Variants in HECA observed in about 807,000 individuals in gnomAD.
HECA encodes the protein HECA ribonucleoprotein granule regulator.
Under a neutral mutation model 37.6 loss-of-function variants are expected in HECA, and 13 were observed. The ratio of observed to expected loss-of-function variants is 0.35; its 90% CI spans 0.23 to 0.55. The LOEUF (loss-of-function observed/expected upper bound fraction) is 0.55, where lower values mean the gene tolerates loss of function less well. Ranked by LOEUF, HECA falls within the 20% of genes least tolerant of loss-of-function variation. The pLI is 0.90. For synonymous variants in HECA, 307 were observed against 291.5 expected (o/e 1.05, Z -0.54); for missense variants, 527 against 701.9 (o/e 0.75, Z 2.82).
intron 1 of HECA, among the ~76,000 whole-genome samples, chr6:139,151,794 GACAC>G: frequency 6.6e-6 from 1 of 152,164 alleles, no homozygotes; most frequent in African/African-American, 2.4e-5. Flanking sequence ...TTTTGAATAA[GACAC>G]TATTCTCAAT....
chr6:139,155,116 A>G (rs977325576), intron 1 of HECA, among the ~76,000 whole-genome samples: 2 of 152,224 alleles, frequency 1.3e-5, no homozygotes, highest in Admixed American at 6.5e-5. Flanking sequence ...ATAGCCTACT[A>G]CATACGTAGG....
At chr6:139,163,352 C>CTTTTTTT (rs60943037) in intron 1 of HECA, among the ~76,000 whole-genome samples, 1 of 142,408 alleles carries the variant, frequency 7.0e-6, no homozygotes. Context: ...GTTCTCCATT[C>CTTTTTTT]TTTTTTTTTT....
At chr6:139,135,707 C>A in intron 1 of HECA, 40 bp downstream of exon 1, 3 of 941,692 alleles carry the variant, frequency 3.2e-6, no homozygotes, top group Non-Finnish European at 3.8e-6. Context: ...ACTTCCTCCC[C>A]GACGGGGACG....
rs529732745 is a variant in HECA, at chr6:139,174,011, A to G, written c.1313-374A>G. ...GATCAGTGGTGTTGGTTAAGTCTCT[A>G]TATGCTAAACATAAACTTTTGAGCA... is the stretch of plus-strand genomic sequence containing the variant. On this transcript the variant is annotated intron_variant, in intron 2 of 3. Coordinates refer to ENST00000367658, the MANE Select transcript of HECA (RefSeq NM_016217.3). Among the ~76,000 whole-genome samples, 5 of 152,312 alleles carry G rather than the reference A, an allele frequency of 3.3e-5. No homozygotes were observed. In the South Asian group the frequency reaches 1.0e-3, roughly 32 times the overall value.
chr6:139,150,675 A>C (rs2114447344), intron 1 of HECA, among the ~76,000 whole-genome samples: 1 of 152,050 alleles, frequency 6.6e-6, no homozygotes, highest in South Asian at 2.1e-4. Context: ...TTTTTTTGGT[A>C]ACTCTTTTCA....
intron 1 of HECA, chr6:139,159,368 T>A (rs563391694): frequency 1.3e-5 from 2 of 152,338 alleles, no homozygotes; most frequent in African/African-American, 4.8e-5. Flanking sequence ...TAAAACAGTT[T>A]TGAAACCTTA....
At chr6:139,174,236 T>A (rs1775020063) in intron 2 of HECA, 149 bp from the exon 3 acceptor site, 1 of 815,428 alleles carries the variant, frequency 1.2e-6, no homozygotes. Context: ...AAAGGACAGC[T>A]TGTGTACTAA....
At chr6:139,168,496 A>G (rs989872571) in intron 2 of HECA, among the ~76,000 whole-genome samples, 1 of 149,816 alleles carries the variant, frequency 6.7e-6, no homozygotes, top group Non-Finnish European at 1.5e-5. Context: ...TTTCAAAGAC[A>G]TTTCCACATA....
At position 139,166,753 on chromosome 6, in the gene HECA, G is replaced by C; in HGVS notation, c.741G>C (p.Arg247=). 1 of 1,613,622 alleles carries C rather than the reference G, an allele frequency of 6.2e-7. No individual in the cohort carries two copies. The highest frequency in any genetic ancestry group is 1.1e-5 in the South Asian group (1 of 91,008). Residue 247 remains arginine, a synonymous_variant, in exon 2 of 4, where the codon CGG becomes CGC. Coordinates refer to ENST00000367658, the MANE Select transcript of HECA (RefSeq NM_016217.3). ...TCCCCCGCCGGCATTCCATGGACCG[G>C]CAGAACTCCCAGGAGAAGGCAGTGG... ...HDLPRRHSMD[R]QNSQEKAVGA...
At chr6:139,153,501 C>T (rs993862679) in intron 1 of HECA, among the ~76,000 whole-genome samples, 5 of 151,668 alleles carry the variant, frequency 3.3e-5, no homozygotes, top group Admixed American at 2.0e-4. Context: ...CGGCTCACTG[C>T]GGTCTCCGCC....
In HECA at chr6:139,166,952, G is replaced by A; in HGVS notation, c.940G>A (p.Gly314Ser). The A allele has an allele frequency of 6.2e-7, 1 of 1,614,156 alleles. No homozygotes were observed. Among genetic ancestry groups the A allele is most frequent in the South Asian group, 1.1e-5 (1 of 91,086 alleles). The change falls in exon 2 of 4, where the codon GGC becomes AGC. Residue 314 changes from glycine to serine, a missense_variant. By Grantham distance (56) the Gly-to-Ser change is moderately conservative. Coordinates refer to ENST00000367658, the MANE Select transcript of HECA (RefSeq NM_016217.3). ...GCCTCACAAGAAGGCCATGGCTGGGGGCCATGTGTTCAGAAATGCCCACTT... is the reference window on the plus strand; with the variant it reads ...GCCTCACAAGAAGGCCATGGCTGGGAGCCATGTGTTCAGAAATGCCCACTT... Reference protein sequence around the residue: ...LEPHKKAMAGGHVFRNAHFDY... With the variant: ...LEPHKKAMAGSHVFRNAHFDY...
At chr6:139,164,332 T>A (rs7748603) in intron 1 of HECA, among the ~76,000 whole-genome samples, 1 of 151,640 alleles carries the variant, frequency 6.6e-6, no homozygotes, top group Non-Finnish European at 1.5e-5. Flanking sequence ...GAGTAGTATT[T>A]CCCTCCAAAG....
intron 2 of HECA, among the ~76,000 whole-genome samples, chr6:139,171,373 A>C (rs905985868): frequency 1.3e-5 from 2 of 152,222 alleles, no homozygotes; most frequent in Admixed American, 6.5e-5. Context: ...GACATACATA[A>C]ATAGATAATG....
At chr6:139,152,548 C>T (rs1774664293) in intron 1 of HECA, among the ~76,000 whole-genome samples, 1 of 151,938 alleles carries the variant, frequency 6.6e-6, no homozygotes, top group Non-Finnish European at 1.5e-5. Flanking sequence ...ATGTAATTGC[C>T]TTGTGCTCAA....
intron 2 of HECA, chr6:139,169,530 T>C (rs1433252232): frequency 6.6e-6 from 1 of 152,256 alleles, no homozygotes; most frequent in Non-Finnish European, 1.5e-5. Flanking sequence ...GAATTGTACC[T>C]AACTCCCTTT....
rs987360055 is a variant in HECA, at chr6:139,173,118, G to A, written c.1313-1267G>A. Among the ~76,000 whole-genome samples, 8 of 152,178 alleles carry A rather than the reference G, an allele frequency of 5.3e-5. 1 individual carries two copies. The highest frequency in any genetic ancestry group is 1.2e-4 in the Non-Finnish European group (8 of 68,032). On this transcript the variant is annotated intron_variant, in intron 2 of 3. Transcript: ENST00000367658. ...TTGAACGGACTTCCTAACATGCCCC[G>A]AGGCCAGAGTAGATGTGGCATGTGA... is the stretch of plus-strand genomic sequence containing the variant.
At chr6:139,151,128 C>A (rs1390922018) in intron 1 of HECA, 2 of 152,146 alleles carry the variant, frequency 1.3e-5, no homozygotes, top group Non-Finnish European at 2.9e-5. Context: ...TGCAGTGTGG[C>A]CCCAGGCAAA....
chr6:139,152,131 C>T (rs1315903672), intron 1 of HECA, among the ~76,000 whole-genome samples: 3 of 152,126 alleles, frequency 2.0e-5, no homozygotes, highest in East Asian at 1.9e-4. Context: ...ATTCTGGGTC[C>T]GTATTCTTTT....
Position 139,151,289 on chromosome 6 carries a change from AAG to A in HECA, c.272-14992_272-14991del, listed in dbSNP as rs1203752932. 3 of 152,232 alleles carry A rather than the reference AAG, an allele frequency of 2.0e-5. No individual in the cohort carries two copies. In the East Asian group the frequency reaches 5.8e-4, roughly 29 times the overall value. The allele number at this position is 152,232 out of a possible 1,614,324, so 9.4% of individuals were successfully genotyped here. ...GGCAGAAAAGGCCTGTGGAAAACAA[AAG>A]AGTGTAAAGATTTCATTTATTTTAG... On this transcript the variant is annotated intron_variant, in intron 1 of 3. Transcript: ENST00000367658.
Sources: gnomAD v4.1 joint callset for allele counts (sites outside exome capture counted in the v4.1 genomes callset) on GRCh38, gnomAD v4.1.1 for gene constraint, MANE v1.5 for transcripts, NCBI Gene and HGNC (gene_info 2026-07-23, HGNC 2026-07-21) for gene names.